Variants in TF observed in about 807,000 individuals in gnomAD.
TF encodes the protein serotransferrin.
A neutral mutation model predicts 82.4 loss-of-function variants in TF; 55 were observed. The observed-to-expected ratio is 0.67, with a 90% confidence interval of 0.54 to 0.84. The LOEUF (loss-of-function observed/expected upper bound fraction) is 0.84. TF is among the 40% of genes least tolerant of loss of function. The pLI is 0.00. For missense variants in TF, 737 were observed against 868.4 expected (o/e 0.85, Z 1.90); for synonymous variants, 332 against 332.6 (o/e 1.00, Z 0.02).
At chr3:133,737,682 C>T in the TF span, among the ~76,000 whole-genome samples, 1 of 152,146 alleles carries the variant, frequency 6.6e-6, no homozygotes. Context: ...ATACTATAAA[C>T]ACCTCTATGA....
the TF span, among the ~76,000 whole-genome samples, chr3:133,683,265 A>G: frequency 6.6e-6 from 1 of 152,222 alleles, no homozygotes; most frequent in Admixed American, 6.5e-5. Flanking sequence ...AATTGTAAAG[A>G]CCATCAAAGC....
At chr3:133,731,171 A>G in the TF span, among the ~76,000 whole-genome samples, 1 of 152,140 alleles carries the variant, frequency 6.6e-6, no homozygotes, top group East Asian at 1.9e-4. Context: ...AGGATCAGTG[A>G]TCAGTTTACT....
At position 133,775,600 on chromosome 3, in the gene TF, A is replaced by G; in HGVS notation, c.1855A>G (p.Ile619Val). The G allele has an allele frequency of 3.7e-6, 6 of 1,614,146 alleles. No individual in the cohort carries two copies. The highest frequency in any genetic ancestry group is 4.2e-6 in the Non-Finnish European group (5 of 1,180,014). Residue 619 changes from isoleucine (I) to valine (V), a missense_variant, in exon 15 of 17, where the codon ATA becomes GTA. Coordinates refer to ENST00000402696, the MANE Select transcript of TF (RefSeq NM_001063.4). ...RKDKEACVHK[I>V]LRQQQHLFGS... The stretch of plus-strand genomic sequence containing the variant: ...AGATAAGGAAGCTTGCGTCCACAAG[A>G]TATTACGTCAACAGCAGGTATGGAC...
chr3:133,794,540 T>C lies in TF; in HGVS notation c.*15920T>C, dbSNP rs1269100671. 6.6e-6 allele frequency: 1 copy of C among 152,208 alleles called. No individual in the cohort carries two copies. Among genetic ancestry groups the C allele is most frequent in the East Asian group, 1.9e-4 (1 of 5,192 alleles). The allele number at this position is 152,208 out of a possible 1,614,324, so 9.4% of individuals were successfully genotyped here. On this transcript the variant is annotated 3_prime_UTR_variant, in exon 17 of 17. Transcript: ENST00000402696. ...GCTTTTTATGGTTCACTGAGGACAA[T>C]CAACTCCTTCACAACCTAGAAACTG...
At chr3:133,751,966 C>G (rs1038561013) in intron 2 of TF, among the ~76,000 whole-genome samples, 1 of 152,084 alleles carries the variant, frequency 6.6e-6, no homozygotes, top group African/African-American at 2.4e-5. Context: ...TGCACTCAAG[C>G]CTGAGGGACA....
chr3:133,692,082 G>A, the TF span, among the ~76,000 whole-genome samples: 1 of 152,230 alleles, frequency 6.6e-6, no homozygotes, highest in Non-Finnish European at 1.5e-5. Flanking sequence ...TCCAGCCTGA[G>A]AGGGGAGTGC....
At chr3:133,751,011 G>C (rs8177201) in intron 2 of TF, among the ~76,000 whole-genome samples, 15,738 of 152,026 alleles carry the variant, frequency 0.1, 873 homozygotes, top group Non-Finnish European at 0.12. Context: ...CATGATGTCT[G>C]TTAATTTTGT....
chr3:133,663,419 G>A, the TF span, among the ~76,000 whole-genome samples: 1 of 142,676 alleles, frequency 7.0e-6, no homozygotes, highest in Non-Finnish European at 1.5e-5. Flanking sequence ...CAAAGGTAAA[G>A]GCCTATTGCT....
At chr3:133,679,928 C>T in the TF span, among the ~76,000 whole-genome samples, 1 of 152,176 alleles carries the variant, frequency 6.6e-6, no homozygotes, top group Non-Finnish European at 1.5e-5. Context: ...ATTTCAGCTG[C>T]ACCATGTCCT....
intron 9 of TF, among the ~76,000 whole-genome samples, chr3:133,759,843 G>T (rs760267154): frequency 6.6e-6 from 1 of 151,988 alleles, no homozygotes; most frequent in Non-Finnish European, 1.5e-5. Flanking sequence ...TTTTAAGAAA[G>T]AATATTCCAT....
chr3:133,732,919 G>A, the TF span, among the ~76,000 whole-genome samples: 1 of 152,220 alleles, frequency 6.6e-6, no homozygotes, highest in African/African-American at 2.4e-5. Context: ...TTGGTGTATA[G>A]AAGTGAACGA....
the TF span, among the ~76,000 whole-genome samples, chr3:133,690,701 G>C: frequency 6.6e-6 from 1 of 152,176 alleles, no homozygotes; most frequent in Non-Finnish European, 1.5e-5. Context: ...CTATAAGACT[G>C]TTGTCTTTTT....
chr3:133,778,328 G>T (rs1473618860), intron 16 of TF: 2 of 388,272 alleles, frequency 5.2e-6, no homozygotes, highest in Non-Finnish European at 9.9e-6. Context: ...TGTGAGCCTC[G>T]CCCATAAGAA....
chr3:133,734,831 A>T, the TF span, among the ~76,000 whole-genome samples: 2 of 152,280 alleles, frequency 1.3e-5, no homozygotes, highest in South Asian at 4.1e-4. Context: ...TGTTAAATAC[A>T]AAATCACACC....
At chr3:133,773,283 C>T (rs1934303262) in intron 14 of TF, 1 of 152,240 alleles carries the variant, frequency 6.6e-6, no homozygotes, top group African/African-American at 2.4e-5. Flanking sequence ...CTGCCTCAGC[C>T]TCCCAAGTAG....
At chr3:133,730,643 A>G in the TF span, among the ~76,000 whole-genome samples, 1 of 152,172 alleles carries the variant, frequency 6.6e-6, no homozygotes, top group Non-Finnish European at 1.5e-5. Flanking sequence ...AGAAAGCCAG[A>G]GCAAATAATT....
chr3:133,686,212 G>T, the TF span, among the ~76,000 whole-genome samples: 2 of 152,176 alleles, frequency 1.3e-5, no homozygotes, highest in African/African-American at 2.4e-5. Context: ...ATGGATTAAA[G>T]ACTTAAATGT....
Position 133,753,684 on chromosome 3 carries a change from G to C in TF, c.306G>C (p.Glu102Asp). ...APNNLKPVVA[E>D]FYGSKEDPQT... ...ATAACCTGAAGCCTGTGGTGGCAGAGTTCTATGGGTCAAAAGAGGGTAAGT... is the reference window on the plus strand; with the variant it reads ...ATAACCTGAAGCCTGTGGTGGCAGACTTCTATGGGTCAAAAGAGGGTAAGT... Residue 102 changes from glutamate (E) to aspartate (D), a missense_variant, in exon 3 of 17, where the codon GAG becomes GAC. Physicochemically the swap from Glu to Asp is conservative, Grantham distance 45. Coordinates refer to ENST00000402696, the MANE Select transcript of TF (RefSeq NM_001063.4). The C allele has an allele frequency of 6.2e-7, 1 of 1,614,170 alleles. No homozygotes were observed. The highest frequency in any genetic ancestry group is 1.6e-4 in the Middle Eastern group (1 of 6,062).
Position 133,756,357 on chromosome 3 carries a change from C to T in TF, c.691+20C>T, listed in dbSNP as rs758946467. ...TATTTGGTAAGAATGGGACAAGAAT[C>T]CACCAGGGCCACTCCAAGTAGTGGG... On this transcript the variant is annotated intron_variant, in intron 6 of 16. Coordinates refer to ENST00000402696, the MANE Select transcript of TF (RefSeq NM_001063.4). The T allele has an allele frequency of 6.2e-7, 1 of 1,613,202 alleles. No individual in the cohort carries two copies. The highest frequency in any genetic ancestry group is 8.5e-7 in the Non-Finnish European group (1 of 1,179,346).
Sources: gnomAD v4.1 joint callset for allele counts (sites outside exome capture counted in the v4.1 genomes callset) on GRCh38, gnomAD v4.1.1 for gene constraint, MANE v1.5 for transcripts, NCBI Gene and HGNC (gene_info 2026-07-23, HGNC 2026-07-21) for gene names.